The following STXBP5L variants were observed in gnomAD, a reference collection of about 807,000 sequenced individuals.
The protein encoded by STXBP5L is syntaxin-binding protein 5-like.
Under a neutral mutation model 144.5 loss-of-function variants are expected in STXBP5L, and 65 were observed. The observed-to-expected ratio is 0.45, with a 90% CI of 0.37 to 0.55. STXBP5L has a LOEUF of 0.55. Ranked by LOEUF, STXBP5L falls within the 20% of genes least tolerant of loss-of-function variation. The probability of loss-of-function intolerance (pLI) is 0.00; values close to 1 mark genes in which losing one functional copy is unlikely to be tolerated. For synonymous variants in STXBP5L, 505 were observed against 469.6 expected, an observed-to-expected ratio of 1.08 and a Z score of -0.97; for missense variants, 1,298 against 1,405.5, an observed-to-expected ratio of 0.92 and a Z score of 1.22.
chr3:120,966,266 C>T (rs986949621), intron 3 of STXBP5L, among the ~76,000 whole-genome samples: 4 of 152,056 alleles, frequency 2.6e-5, no homozygotes, highest in African/African-American at 9.7e-5. Context: ...ACTGACCTTC[C>T]GAAGCCTACT....
chr3:121,064,003 T>C (rs570195228), intron 5 of STXBP5L, among the ~76,000 whole-genome samples: 1 of 152,182 alleles, frequency 6.6e-6, no homozygotes, highest in African/African-American at 2.4e-5. Context: ...AGTGAATGCT[T>C]GTCTCACTGG....
intron 5 of STXBP5L, among the ~76,000 whole-genome samples, chr3:121,067,328 T>C (rs2041596024): frequency 6.6e-6 from 1 of 152,128 alleles, no homozygotes; most frequent in African/African-American, 2.4e-5. Context: ...ACAGATTTTA[T>C]GTCTAATATT....
chr3:121,302,997 A>C (rs1369450621), intron 19 of STXBP5L, among the ~76,000 whole-genome samples: 1 of 152,248 alleles, frequency 6.6e-6, no homozygotes, highest in Non-Finnish European at 1.5e-5. Context: ...TAAAACACCA[A>C]AAGCAATGGC....
intron 5 of STXBP5L, among the ~76,000 whole-genome samples, chr3:121,113,951 C>G (rs1275372664): frequency 6.6e-6 from 1 of 152,082 alleles, no homozygotes; most frequent in Non-Finnish European, 1.5e-5. Flanking sequence ...GGATTACAGG[C>G]ATGAGCCACC....
At chr3:121,342,608 G>T (rs1576224829) in intron 20 of STXBP5L, among the ~76,000 whole-genome samples, 1 of 149,626 alleles carries the variant, frequency 6.7e-6, no homozygotes, top group East Asian at 2.0e-4. Flanking sequence ...TTGGTTTTTT[G>T]TTCTTGTGAT....
chr3:121,185,111 G>C (rs572465661), intron 9 of STXBP5L, among the ~76,000 whole-genome samples: 84 of 152,246 alleles, frequency 5.5e-4, no homozygotes, highest in Middle Eastern at 3.4e-3. Flanking sequence ...AAACATACCA[G>C]ATTTTAAAGA....
chr3:120,951,243 G>A (rs902962637), intron 2 of STXBP5L, among the ~76,000 whole-genome samples: 6 of 152,120 alleles, frequency 3.9e-5, no homozygotes, highest in African/African-American at 1.2e-4. Context: ...ATAGGCACGG[G>A]CAAGGACTTC....
rs185437594 is a variant in STXBP5L at position 121,117,768 on chromosome 3, T to C, written c.605+2709T>C. On this transcript the variant is annotated intron_variant, in intron 6 of 26. Coordinates refer to ENST00000471454, the MANE Select transcript of STXBP5L (RefSeq NM_001308330.2). The stretch of plus-strand genomic sequence containing the variant: ...TTTTAGTGAATTATTCTAATTGCAA[T>C]TAGAGGCAATTCCCAAGAGTATGAA... 1.1e-4 allele frequency among the ~76,000 whole-genome samples: 16 copies of C among 151,870 alleles called. No homozygotes were observed. The East Asian group carries it at 3.1e-3, about 29-fold the overall frequency.
At chr3:121,044,812 T>G (rs373077235) in intron 4 of STXBP5L, among the ~76,000 whole-genome samples, 37 of 152,172 alleles carry the variant, frequency 2.4e-4, no homozygotes, top group African/African-American at 8.9e-4. Flanking sequence ...CATTTGTATT[T>G]GGTGGTGCTG....
chr3:121,098,415 G>T lies in STXBP5L; in HGVS notation c.471-16510G>T, dbSNP rs561027259. Among the ~76,000 whole-genome samples, 5 of 152,258 alleles carry T rather than the reference G, an allele frequency of 3.3e-5. No homozygotes were observed. The South Asian group carries it at 1.0e-3, about 32-fold the overall frequency. On this transcript the variant is annotated intron_variant, in intron 5 of 26. Coordinates refer to ENST00000471454, the MANE Select transcript of STXBP5L (RefSeq NM_001308330.2). ...ACTAGGTCTCATATGAACTTACAGG[G>T]TAAGAACTCCCTCATTATCGTGAAG...
intron 3 of STXBP5L, among the ~76,000 whole-genome samples, chr3:120,991,073 T>G (rs1407175800): frequency 5.3e-5 from 8 of 151,696 alleles, no homozygotes; most frequent in Non-Finnish European, 7.4e-5. Flanking sequence ...ATTTTTGCAA[T>G]CTACTCATCT....
intron 5 of STXBP5L, among the ~76,000 whole-genome samples, chr3:121,058,816 TG>T (rs1179901707): frequency 6.7e-6 from 1 of 149,274 alleles, no homozygotes; most frequent in African/African-American, 2.5e-5. Context: ...CACTTTTTGA[TG>T]GGGTTGTTTT....
At chr3:120,965,216 G>T (rs749676444) in intron 3 of STXBP5L, among the ~76,000 whole-genome samples, 1 of 152,086 alleles carries the variant, frequency 6.6e-6, no homozygotes, top group Non-Finnish European at 1.5e-5. Flanking sequence ...ACACTGATGG[G>T]TGTTGACTGT....
intron 2 of STXBP5L, among the ~76,000 whole-genome samples, chr3:120,953,668 A>G (rs1207851619): frequency 6.6e-6 from 1 of 151,882 alleles, no homozygotes; most frequent in Non-Finnish European, 1.5e-5. Flanking sequence ...TAATTTTGTA[A>G]CTTTAGCTTG....
At position 120,974,682 on chromosome 3, in the gene STXBP5L, C is replaced by T. The variant is rs890476456; in HGVS notation, c.287+19645C>T. ...AGGGTTTTTATGGTTTTAGGTCTGA[C>T]GTTTAAGTCTTTAATCCATCTTGAA... On this transcript the variant is annotated intron_variant, in intron 3 of 26. Transcript: ENST00000471454. 1.1e-4 allele frequency among the ~76,000 whole-genome samples: 16 copies of T among 152,202 alleles called. No homozygotes were observed. The East Asian group carries it at 1.4e-3, about 13-fold the overall frequency.
At chr3:121,360,908 A>G (rs1412245163) in intron 20 of STXBP5L, among the ~76,000 whole-genome samples, 1 of 152,078 alleles carries the variant, frequency 6.6e-6, no homozygotes. Flanking sequence ...AGGTGGTTAT[A>G]TATTGCTCAT....
chr3:120,990,768 G>C (rs1266616751), intron 3 of STXBP5L, among the ~76,000 whole-genome samples: 14 of 152,156 alleles, frequency 9.2e-5, no homozygotes, highest in Admixed American at 6.5e-4. Context: ...GGGAAAACTG[G>C]CTAGCCATAT....
At chr3:121,078,825 G>T (rs993081624) in intron 5 of STXBP5L, among the ~76,000 whole-genome samples, 3 of 152,276 alleles carry the variant, frequency 2.0e-5, no homozygotes, top group Non-Finnish European at 4.4e-5. Context: ...CCTGGGTCCG[G>T]CAGGGCTGGC....
At chr3:121,031,575 C>A (rs1171057370) in intron 3 of STXBP5L, among the ~76,000 whole-genome samples, 2 of 152,056 alleles carry the variant, frequency 1.3e-5, no homozygotes, top group African/African-American at 4.8e-5. Flanking sequence ...TCTCAGGGAA[C>A]TTGGTCTTAT....
Sources: allele counts gnomAD v4.1 joint callset (sites outside exome capture counted in the v4.1 genomes callset), GRCh38; gene constraint gnomAD v4.1.1; transcripts MANE v1.5; gene names NCBI Gene and HGNC (gene_info 2026-07-23, HGNC 2026-07-21).